Variants in SEMA4B observed in about 807,000 individuals in gnomAD.
The protein encoded by SEMA4B is semaphorin 4B.
Under a neutral mutation model 88.1 loss-of-function variants are expected in SEMA4B, and 55 were observed. That is an observed-to-expected ratio of 0.62 (90% CI 0.50 to 0.78). The LOEUF (loss-of-function observed/expected upper bound fraction) is 0.78. Among genes scored for constraint, SEMA4B ranks in the 30% least tolerant of loss-of-function variants. The pLI is 0.00. For synonymous variants in SEMA4B, 525 were observed against 473.6 expected (o/e 1.11, Z -1.41); for missense variants, 1,062 against 1,111.9 (o/e 0.96, Z 0.64).
At position 90,201,866 on chromosome 15, in the gene SEMA4B, T is replaced by A. The variant is rs1421785168; in HGVS notation, c.157+131T>A. ...GAGGCACGGGATCCATTAGGACCCC[T>A]TCTTTTTTCAAGGCGCTGCGCGGAG... On this transcript the variant is annotated intron_variant, in intron 1 of 13. Coordinates refer to ENST00000411539, the MANE Select transcript of SEMA4B (RefSeq NM_198925.4). 7 of 893,316 alleles carry A rather than the reference T, an allele frequency of 7.8e-6. No individual in the cohort carries two copies. The African/African-American group carries it at 1.2e-4, about 16-fold the overall frequency. The allele number at this position is 893,316 out of a possible 1,614,324, so 55.3% of individuals were successfully genotyped here.
chr15:90,201,489 G>C lies in SEMA4B; in HGVS notation c.-90G>C. On this transcript the variant is annotated 5_prime_UTR_variant, in exon 1 of 14. Coordinates refer to ENST00000411539, the MANE Select transcript of SEMA4B (RefSeq NM_198925.4). ...AGGCGGGGGCCCCCGGGGCGACTCG[G>C]GGGCGGACCGCGGGGCGGAGCTGCC... 7.6e-7 allele frequency: 1 copy of C among 1,313,620 alleles called. No homozygotes were observed. Among genetic ancestry groups the C allele is most frequent in the Non-Finnish European group, 9.7e-7 (1 of 1,034,880 alleles). The allele number at this position is 1,313,620 out of a possible 1,614,324, so 81.4% of individuals were successfully genotyped here.
chr15:90,226,757 TG>T (rs1328310738), intron 12 of SEMA4B, among the ~76,000 whole-genome samples: 19 of 152,204 alleles, frequency 1.2e-4, no homozygotes, highest in African/African-American at 4.6e-4. Context: ...TTGGTGCGTA[TG>T]CCAGGAGGGA....
At chr15:90,214,303 G>C (rs1371700104) in intron 1 of SEMA4B, among the ~76,000 whole-genome samples, 5 of 138,752 alleles carry the variant, frequency 3.6e-5, no homozygotes, top group African/African-American at 1.5e-4. Context: ...ACTCCAGCCT[G>C]GACAACAAGA....
upstream of SEMA4B, among the ~76,000 whole-genome samples, chr15:90,197,835 A>G (rs1960562945): frequency 4.6e-5 from 7 of 152,140 alleles, no homozygotes; most frequent in South Asian, 1.4e-3. Context: ...AGCCAAATGT[A>G]TGATAATAGA....
At chr15:90,191,934 T>C (rs947284061) in intron 1 of SEMA4B, 1 of 152,268 alleles carries the variant, frequency 6.6e-6, no homozygotes, top group African/African-American at 2.4e-5. Context: ...CTTCAACATG[T>C]ACTGATGCTG....
intron 1 of SEMA4B, among the ~76,000 whole-genome samples, chr15:90,191,127 C>T (rs1034992375): frequency 6.6e-6 from 1 of 152,188 alleles, no homozygotes; most frequent in Non-Finnish European, 1.5e-5. Context: ...TTGAGCCCTG[C>T]TGATTGCCCC....
chr15:90,211,352 G>C (rs1439089676), intron 1 of SEMA4B, among the ~76,000 whole-genome samples: 1 of 152,234 alleles, frequency 6.6e-6, no homozygotes, highest in Non-Finnish European at 1.5e-5. Context: ...CAGGAGCACA[G>C]ATGCTGTGAG....
chr15:90,225,403 C>T lies in SEMA4B; in HGVS notation c.1521+6C>T, dbSNP rs761367364. ...TGCTCCTGGACACCCACAGGGTGAG[C>T]AGGCCAACGAGGAATCCTGGCAGGG... On this transcript the variant is annotated splice_donor_region_variant and intron_variant, in intron 11 of 13. Transcript: ENST00000411539. 3.9e-6 allele frequency: 6 copies of T among 1,549,518 alleles called. No homozygotes were observed. The highest frequency in any genetic ancestry group is 5.2e-6 in the Non-Finnish European group (6 of 1,146,598).
At chr15:90,190,962 A>G (rs1238385657) in intron 1 of SEMA4B, among the ~76,000 whole-genome samples, 2 of 152,214 alleles carry the variant, frequency 1.3e-5, no homozygotes, top group African/African-American at 2.4e-5. Context: ...TATTTTTTGT[A>G]GAGACCGGGT....
intron 7 of SEMA4B, among the ~76,000 whole-genome samples, chr15:90,223,341 G>A (rs188555268): frequency 2.4e-4 from 37 of 152,276 alleles, no homozygotes; most frequent in African/African-American, 6.3e-4. Context: ...AGTGAATCGC[G>A]TCCATATTTA....
intron 1 of SEMA4B, among the ~76,000 whole-genome samples, chr15:90,213,535 TC>T: frequency 6.6e-6 from 1 of 152,344 alleles, no homozygotes; most frequent in East Asian, 1.9e-4. Flanking sequence ...TCTATAGGTT[TC>T]CCCTCCAGCC....
At position 90,212,633 on chromosome 15, in the gene SEMA4B, C is replaced by T. The variant is rs1395624599; in HGVS notation, c.158-4806C>T. 3.0e-5 allele frequency among the ~76,000 whole-genome samples: 4 copies of T among 133,550 alleles called. No homozygotes were observed. The highest frequency in any genetic ancestry group is 6.4e-5 in the Non-Finnish European group (4 of 62,382). 87.6% of individuals were successfully genotyped at this position (133,550 alleles called of 152,430 possible). ...AGTGCGCAAGCGTGGACAAGCCCTG[C>T]GGTACCGTGTACACACACACACACA... On this transcript the variant is annotated intron_variant, in intron 1 of 13. Transcript: ENST00000411539. This position sits in a 1 kb window ranked among gnomAD's most constrained non-coding sequence, Gnocchi z 4.0.
At chr15:90,185,008 C>T (rs995536921) in exon 1 of SEMA4B, 3 of 985,602 alleles carry the variant, frequency 3.0e-6, no homozygotes, top group Non-Finnish European at 3.6e-6. Context: ...GCAAGGGGGA[C>T]GAGTCAGTGG....
chr15:90,224,605 A>G (rs1962043005), intron 9 of SEMA4B, among the ~76,000 whole-genome samples: 1 of 152,198 alleles, frequency 6.6e-6, no homozygotes, highest in South Asian at 2.1e-4. Flanking sequence ...CGGGGCAGGA[A>G]AGAACTGCCG....
chr15:90,214,902 T>C, intron 1 of SEMA4B: 1 of 1,044,990 alleles, frequency 9.6e-7, no homozygotes, highest in Non-Finnish European at 1.3e-6. Context: ...CACTACTTTC[T>C]TTTCTTCATG....
intron 7 of SEMA4B, among the ~76,000 whole-genome samples, chr15:90,223,036 T>A (rs1482527333): frequency 6.6e-6 from 1 of 150,810 alleles, no homozygotes. Flanking sequence ...AGCGGTGAGA[T>A]TTCACTGCAA....
At position 90,215,222 on chromosome 15, in the gene SEMA4B, C is replaced by CTT. The variant is rs35502396; in HGVS notation, c.158-2207_158-2206dup. Reference sequence around the variant, plus strand: ...CTGGTGGGTAAGTGTGTGTGTGTTTCTTTTTTTTTTTCTTTGATTTATATA... The same window carrying CTT: ...CTGGTGGGTAAGTGTGTGTGTGTTTCTTTTTTTTTTTTTCTTTGATTTATATA... On this transcript the variant is annotated intron_variant, in intron 1 of 13. Transcript: ENST00000411539. Among the ~76,000 whole-genome samples the CTT allele has an allele frequency of 9.4e-3, 1,385 of 147,372 alleles. 25 individuals are homozygous for CTT. Among genetic ancestry groups the CTT allele is most frequent in the African/African-American group, 0.033 (1,314 of 40,378 alleles).
rs997370917 is a variant in SEMA4B, at chr15:90,207,458, C to G, written c.157+5723C>G. On this transcript the variant is annotated intron_variant, in intron 1 of 13. Coordinates refer to ENST00000411539, the MANE Select transcript of SEMA4B (RefSeq NM_198925.4). ...AACTGGAAGAGCAAATAAAAGCGGC[C>G]ATTGCGGTGCACTCCCTGTGTGCCA... Among the ~76,000 whole-genome samples, 3 of 152,204 alleles carry G rather than the reference C, an allele frequency of 2.0e-5. No individual in the cohort carries two copies. In the East Asian group the frequency reaches 5.8e-4, roughly 29 times the overall value.
chr15:90,185,816 T>G (rs1365613871), intron 1 of SEMA4B, among the ~76,000 whole-genome samples: 2 of 152,036 alleles, frequency 1.3e-5, no homozygotes, highest in Non-Finnish European at 2.9e-5. Context: ...CCCCCCTCAT[T>G]TTCATAAGGA....
Sources: gnomAD v4.1 joint callset for allele counts (sites outside exome capture counted in the v4.1 genomes callset) on GRCh38, gnomAD v4.1.1 for gene constraint, Gnocchi (gnomAD v3.1) non-coding constraint, MANE v1.5 for transcripts, NCBI Gene and HGNC (gene_info 2026-07-23, HGNC 2026-07-21) for gene names.